Variants in SHISA9 observed in about 807,000 individuals in gnomAD.
SHISA9 encodes protein shisa-9.
Under a neutral mutation model 38.0 loss-of-function variants are expected in SHISA9, and 13 were observed. The ratio of observed to expected loss-of-function variants is 0.34; its 90% CI spans 0.22 to 0.54. The LOEUF is 0.54. SHISA9 is among the 20% of genes least tolerant of loss of function. SHISA9 has a pLI of 0.91. For missense variants in SHISA9, 538 were observed against 575.8 expected, an observed-to-expected ratio of 0.93 and a Z score of 0.67; for synonymous variants, 275 against 242.0, an observed-to-expected ratio of 1.14 and a Z score of -1.27.
chr16:12,928,549 G>A (rs771511030), intron 2 of SHISA9, among the ~76,000 whole-genome samples: 3 of 152,134 alleles, frequency 2.0e-5, no homozygotes, highest in Non-Finnish European at 4.4e-5. Flanking sequence ...TCTCCAAGAC[G>A]GACATAAGGA....
chr16:13,338,988 G>T, the SHISA9 span, among the ~76,000 whole-genome samples: 1 of 152,080 alleles, frequency 6.6e-6, no homozygotes, highest in South Asian at 2.1e-4. Flanking sequence ...TTCAGGGAGG[G>T]ATTCTAACCT....
rs2071132013 is a variant in SHISA9 at position 12,908,369 on chromosome 16, G to A, written c.563+5742G>A. ...TATATGTGACTACGTTAAATACATT[G>A]CAAAGTGTTGGCCTAAGTGGTGTTG... is the stretch of plus-strand genomic sequence containing the variant. On this transcript the variant is annotated intron_variant, in intron 1 of 4. Transcript: ENST00000558583. The A allele has an allele frequency of 6.7e-6, 10 of 1,489,404 alleles. No homozygotes were observed. In the South Asian group the frequency reaches 1.3e-4, roughly 20 times the overall value. 92.3% of individuals were successfully genotyped at this position (1,489,404 alleles called of 1,614,324 possible).
the SHISA9 span, among the ~76,000 whole-genome samples, chr16:13,298,475 A>G: frequency 2.0e-5 from 3 of 152,226 alleles, no homozygotes; most frequent in Non-Finnish European, 4.4e-5. Flanking sequence ...TCTCATTTCA[A>G]TCATCACAAT....
At chr16:13,356,398 G>A in the SHISA9 span, among the ~76,000 whole-genome samples, 141 of 152,248 alleles carry the variant, frequency 9.3e-4, no homozygotes, top group South Asian at 2.7e-3. Flanking sequence ...GAGCCTAAAC[G>A]CTTCTGATTT....
chr16:12,911,408 T>G (rs2071181775), intron 1 of SHISA9: 1 of 983,470 alleles, frequency 1.0e-6, no homozygotes, highest in Admixed American at 6.2e-5. Flanking sequence ...TTTTTTTGTA[T>G]GCACCCCAAT....
the SHISA9 span, among the ~76,000 whole-genome samples, chr16:13,531,021 T>A: frequency 1.3e-5 from 2 of 152,150 alleles, no homozygotes; most frequent in Non-Finnish European, 1.5e-5. Context: ...CAACAGTGAG[T>A]AAAGCAGAGA....
intron 2 of SHISA9, among the ~76,000 whole-genome samples, chr16:13,005,302 G>T (rs980477093): frequency 1.3e-5 from 2 of 152,100 alleles, no homozygotes; most frequent in Non-Finnish European, 1.5e-5. Context: ...TGAGACTTTT[G>T]GAGGGTGATA....
At chr16:13,326,445 G>C in the SHISA9 span, among the ~76,000 whole-genome samples, 1 of 152,226 alleles carries the variant, frequency 6.6e-6, no homozygotes, top group East Asian at 1.9e-4. Context: ...TCCCCACCGG[G>C]TGCAGTGGCT....
At chr16:13,284,947 G>A in the SHISA9 span, among the ~76,000 whole-genome samples, 4 of 152,054 alleles carry the variant, frequency 2.6e-5, no homozygotes, top group Non-Finnish European at 5.9e-5. Context: ...GGATCTTCTG[G>A]ATGTATGTTA....
At chr16:13,441,246 A>C in the SHISA9 span, among the ~76,000 whole-genome samples, 2 of 152,234 alleles carry the variant, frequency 1.3e-5, no homozygotes, top group Non-Finnish European at 2.9e-5. Context: ...TCTAAAATGA[A>C]AATGCTTAAA....
the SHISA9 span, among the ~76,000 whole-genome samples, chr16:13,422,696 AAAAC>A: frequency 1.6e-4 from 24 of 145,768 alleles, no homozygotes; most frequent in African/African-American, 4.4e-4. Flanking sequence ...ACTCTGTCTC[AAAAC>A]AAACAAACAA....
the SHISA9 span, among the ~76,000 whole-genome samples, chr16:13,371,019 T>C: frequency 6.6e-6 from 1 of 152,194 alleles, no homozygotes; most frequent in African/African-American, 2.4e-5. Context: ...TTACTCTAAG[T>C]ATGTTCCTGT....
At chr16:13,028,692 T>C (rs2072955193) in intron 2 of SHISA9, among the ~76,000 whole-genome samples, 1 of 152,170 alleles carries the variant, frequency 6.6e-6, no homozygotes, top group Non-Finnish European at 1.5e-5. Context: ...TCAAAAGCCT[T>C]CAGCAGTTTT....
chr16:13,524,183 T>C, the SHISA9 span, among the ~76,000 whole-genome samples: 3 of 152,298 alleles, frequency 2.0e-5, no homozygotes, highest in Non-Finnish European at 4.4e-5. Context: ...AGGACATAGT[T>C]TGAAGTCCTG....
intron 2 of SHISA9, among the ~76,000 whole-genome samples, chr16:13,104,384 C>G (rs1235028098): frequency 1.3e-5 from 2 of 152,110 alleles, no homozygotes; most frequent in Non-Finnish European, 2.9e-5. Context: ...TATGTTCACA[C>G]AAAGACATAT....
the SHISA9 span, among the ~76,000 whole-genome samples, chr16:13,398,469 C>T: frequency 6.6e-6 from 1 of 150,798 alleles, no homozygotes; most frequent in Non-Finnish European, 1.5e-5. Flanking sequence ...TCTCATGCTT[C>T]ACAAGGGTAG....
At chr16:13,391,335 C>G in the SHISA9 span, among the ~76,000 whole-genome samples, 1 of 152,146 alleles carries the variant, frequency 6.6e-6, no homozygotes, top group Admixed American at 6.6e-5. Flanking sequence ...TGAGGTCTTG[C>G]CTTTGTAAGC....
At chr16:13,141,744 G>T (rs925570639) in intron 2 of SHISA9, among the ~76,000 whole-genome samples, 20 of 152,226 alleles carry the variant, frequency 1.3e-4, no homozygotes, top group Non-Finnish European at 1.2e-4. Flanking sequence ...AAGGTGATAT[G>T]AAGAGCTCTT....
At chr16:13,142,210 A>G (rs556121677) in intron 2 of SHISA9, among the ~76,000 whole-genome samples, 9 of 152,266 alleles carry the variant, frequency 5.9e-5, no homozygotes, top group East Asian at 1.9e-4. Flanking sequence ...TCTAGAAATC[A>G]TTCTAATTTG....
Sources: allele counts gnomAD v4.1 joint callset (sites outside exome capture counted in the v4.1 genomes callset), GRCh38; gene constraint gnomAD v4.1.1; transcripts MANE v1.5; gene names NCBI Gene and HGNC (gene_info 2026-07-23, HGNC 2026-07-21).